Variants in SLC35F3 observed in about 807,000 individuals in gnomAD.
The protein encoded by SLC35F3 is solute carrier family 35 member F3.
Under a neutral mutation model 49.9 loss-of-function variants are expected in SLC35F3, and 25 were observed. That is an observed-to-expected ratio of 0.50 (90% CI 0.37 to 0.70). The LOEUF (loss-of-function observed/expected upper bound fraction) is 0.70, where lower values mean the gene tolerates loss of function less well. SLC35F3 is among the 30% of genes least tolerant of loss of function. The pLI, the probability that SLC35F3 is intolerant of heterozygous loss-of-function variation, is 0.00. For missense variants in SLC35F3, 525 were observed against 639.8 expected, an observed-to-expected ratio of 0.82 and a Z score of 1.94; for synonymous variants, 275 against 265.4, an observed-to-expected ratio of 1.04 and a Z score of -0.35.
chr1:234,041,806 A>G (rs982167787), intron 2 of SLC35F3, among the ~76,000 whole-genome samples: 3 of 152,128 alleles, frequency 2.0e-5, no homozygotes, highest in Non-Finnish European at 4.4e-5. Flanking sequence ...GCATGGTGCA[A>G]AAGCATGTAG....
chr1:234,172,751 C>A (rs1312022075), intron 2 of SLC35F3, among the ~76,000 whole-genome samples: 1 of 152,140 alleles, frequency 6.6e-6, no homozygotes, highest in East Asian at 1.9e-4. Context: ...AATTGTAACA[C>A]AATGGCAAGT....
chr1:234,156,000 A>T (rs6687269), intron 2 of SLC35F3, among the ~76,000 whole-genome samples: 22,797 of 152,084 alleles, frequency 0.15, 5,434 homozygotes, highest in African/African-American at 0.51. Context: ...AGGAATACCA[A>T]AAAGAAAATT....
intron 2 of SLC35F3, among the ~76,000 whole-genome samples, chr1:233,979,205 C>T (rs1663140710): frequency 2.0e-5 from 3 of 152,200 alleles, no homozygotes; most frequent in Non-Finnish European, 4.4e-5. Context: ...TTCTGTGCTT[C>T]AGGAAGGTAC....
At chr1:234,092,969 T>C (rs1421410392) in intron 2 of SLC35F3, among the ~76,000 whole-genome samples, 1 of 152,232 alleles carries the variant, frequency 6.6e-6, no homozygotes, top group Non-Finnish European at 1.5e-5. Flanking sequence ...CACCACTCCC[T>C]GTTTCATTCA....
intron 2 of SLC35F3, among the ~76,000 whole-genome samples, chr1:234,073,057 T>C (rs16842505): frequency 0.05 from 7,540 of 152,264 alleles, 592 homozygotes; most frequent in African/African-American, 0.17. Flanking sequence ...AGTGATCCCA[T>C]TGACTCATCT....
chr1:234,006,729 GGAA>G (rs1427072698), intron 2 of SLC35F3, among the ~76,000 whole-genome samples: 1 of 152,216 alleles, frequency 6.6e-6, no homozygotes, highest in African/African-American at 2.4e-5. Flanking sequence ...ATGAGGGAGT[GGAA>G]GAAGAGATGA....
intron 2 of SLC35F3, among the ~76,000 whole-genome samples, chr1:234,164,613 T>C (rs969970847): frequency 4.6e-5 from 7 of 152,082 alleles, no homozygotes; most frequent in Non-Finnish European, 1.0e-4. Flanking sequence ...GTTTGTTGTT[T>C]TTACCTTCTT....
intron 3 of SLC35F3, among the ~76,000 whole-genome samples, chr1:234,305,608 C>T (rs1657148781): frequency 6.6e-6 from 1 of 152,246 alleles, no homozygotes; most frequent in Middle Eastern, 3.4e-3. Context: ...TGGTCTCGAT[C>T]TCCTGACCCT....
At chr1:234,225,116 T>C (rs1572102789) in intron 2 of SLC35F3, among the ~76,000 whole-genome samples, 1 of 152,240 alleles carries the variant, frequency 6.6e-6, no homozygotes, top group East Asian at 1.9e-4. Flanking sequence ...GAAGTGCGAA[T>C]TGCTTTGGGA....
chr1:234,293,877 T>C (rs1668549152), intron 3 of SLC35F3, among the ~76,000 whole-genome samples: 2 of 152,250 alleles, frequency 1.3e-5, no homozygotes, highest in African/African-American at 2.4e-5. Context: ...TTAGGAATGA[T>C]CCTGATTTTT....
Position 234,214,745 on chromosome 1 carries a change from C to T in SLC35F3, c.284-16672C>T. 2 of 897,984 alleles carry T rather than the reference C, an allele frequency of 2.2e-6. No homozygotes were observed. Among genetic ancestry groups the T allele is most frequent in the South Asian group, 2.3e-5 (1 of 43,670 alleles). The allele number at this position is 897,984 out of a possible 1,614,324, so 55.6% of individuals were successfully genotyped here. A position where few individuals can be genotyped will look rare whatever the true frequency, so the allele number is the denominator to read the frequency against. Reference sequence around the variant, plus strand: ...CCTGCGTGGGGGGATCTGGCAGCTTCAGGGGCTGCCCTGAGCTCCCTGGCG... The same window carrying T: ...CCTGCGTGGGGGGATCTGGCAGCTTTAGGGGCTGCCCTGAGCTCCCTGGCG... On this transcript the variant is annotated intron_variant, in intron 2 of 7. Transcript: ENST00000366618. The surrounding 1 kb of genome is among the most constrained non-coding windows in gnomAD (Gnocchi z 8.0).
intron 2 of SLC35F3, among the ~76,000 whole-genome samples, chr1:233,923,691 A>G (rs1046794908): frequency 3.9e-5 from 6 of 152,146 alleles, no homozygotes; most frequent in Non-Finnish European, 8.8e-5. Flanking sequence ...TATGTTGAAT[A>G]GGAGTGGTGA....
At chr1:234,198,318 G>A (rs1298293700) in intron 2 of SLC35F3, among the ~76,000 whole-genome samples, 1 of 152,202 alleles carries the variant, frequency 6.6e-6, no homozygotes, top group Non-Finnish European at 1.5e-5. Context: ...ATGTTTTGGG[G>A]AGGATTTCAC....
chr1:233,921,151 A>C (rs926950516), intron 2 of SLC35F3, among the ~76,000 whole-genome samples: 29 of 152,278 alleles, frequency 1.9e-4, no homozygotes, highest in Non-Finnish European at 3.8e-4. Context: ...TCCCTTAACC[A>C]AAGTACACTT....
At chr1:234,023,403 C>G (rs1383519060) in intron 2 of SLC35F3, among the ~76,000 whole-genome samples, 1 of 152,080 alleles carries the variant, frequency 6.6e-6, no homozygotes, top group Admixed American at 6.5e-5. Context: ...GTGGCCGAAG[C>G]TGGAACAATT....
At chr1:234,310,847 C>A (rs1330563982) in intron 4 of SLC35F3, among the ~76,000 whole-genome samples, 1 of 152,162 alleles carries the variant, frequency 6.6e-6, no homozygotes, top group African/African-American at 2.4e-5. Flanking sequence ...GAAAAATACT[C>A]CTAAATTCAT....
At chr1:234,267,501 C>CG (rs1668006891) in intron 3 of SLC35F3, among the ~76,000 whole-genome samples, 1 of 139,420 alleles carries the variant, frequency 7.2e-6, no homozygotes, top group African/African-American at 2.8e-5. Context: ...GCTGGCCGGG[C>CG]GGGGGGCTGA....
chr1:234,318,606 A>G, intron 5 of SLC35F3, 145 bp from the exon 6 acceptor site: 1 of 653,542 alleles, frequency 1.5e-6, no homozygotes, highest in Non-Finnish European at 2.6e-6. Context: ...AAATGAACAC[A>G]GGCCAAACCC....
chr1:234,154,879 A>G (rs1425817130), intron 2 of SLC35F3, among the ~76,000 whole-genome samples: 2 of 152,132 alleles, frequency 1.3e-5, no homozygotes, highest in Non-Finnish European at 2.9e-5. Flanking sequence ...CCAGGGGGAG[A>G]GATAAGCAAG....
Sources: allele counts gnomAD v4.1 joint callset (sites outside exome capture counted in the v4.1 genomes callset), GRCh38; gene constraint gnomAD v4.1.1; non-coding constraint Gnocchi (gnomAD v3.1); transcripts MANE v1.5; gene names NCBI Gene and HGNC (gene_info 2026-07-23, HGNC 2026-07-21).